PTPRM: variants seen among roughly 807,000 people sequenced by gnomAD.
PTPRM encodes receptor-type tyrosine-protein phosphatase mu.
A neutral mutation model predicts 186.7 loss-of-function variants in PTPRM; 47 were observed. The observed-to-expected ratio is 0.25, with a 90% confidence interval of 0.20 to 0.32. PTPRM has a LOEUF of 0.32. PTPRM is among the 10% of genes least tolerant of loss of function. The probability of loss-of-function intolerance (pLI) is 1.00; values close to 1 mark genes in which losing one functional copy is unlikely to be tolerated. For missense variants in PTPRM, 1,494 were observed against 1,865.0 expected (o/e 0.80, Z 3.66); for synonymous variants, 668 against 674.9 (o/e 0.99, Z 0.16).
At chr18:7,689,249 G>A (rs2039679520) in intron 1 of PTPRM, among the ~76,000 whole-genome samples, 1 of 152,210 alleles carries the variant, frequency 6.6e-6, no homozygotes, top group African/African-American at 2.4e-5. Context: ...TCAATGCAGA[G>A]AAGATAAGTT....
chr18:7,831,369 T>A lies in PTPRM; in HGVS notation c.197-56737T>A, dbSNP rs138382320. 3.4e-3 allele frequency among the ~76,000 whole-genome samples: 511 copies of A among 152,258 alleles called. 4 individuals are homozygous for A. The highest frequency in any genetic ancestry group is 0.012 in the African/African-American group (488 of 41,548). Reference sequence around the variant, plus strand: ...GGTAGGGAAAGCCTTCCTGAGTTATTTTTTTAATGCAGACATAGAACATTT... The same window carrying A: ...GGTAGGGAAAGCCTTCCTGAGTTATATTTTTAATGCAGACATAGAACATTT... On this transcript the variant is annotated intron_variant, in intron 2 of 32. Coordinates refer to ENST00000580170, the MANE Select transcript of PTPRM (RefSeq NM_001105244.2).
chr18:8,140,206 T>G (rs552045372), intron 13 of PTPRM, among the ~76,000 whole-genome samples: 180 of 152,224 alleles, frequency 1.2e-3, no homozygotes, highest in African/African-American at 4.3e-3. Flanking sequence ...ACTGACAGCC[T>G]TCATGGCCTT....
intron 7 of PTPRM, among the ~76,000 whole-genome samples, chr18:7,984,086 A>AG (rs2082701918): frequency 6.6e-6 from 1 of 152,154 alleles, no homozygotes; most frequent in Non-Finnish European, 1.5e-5. Context: ...ATAGTCTCCA[A>AG]ATAAGGTCAA....
chr18:8,016,771 A>G (rs1166848155), intron 7 of PTPRM, among the ~76,000 whole-genome samples: 8 of 152,206 alleles, frequency 5.3e-5, no homozygotes, highest in Non-Finnish European at 1.0e-4. Flanking sequence ...TTTGGTCACT[A>G]GAAATGCGGC....
intron 13 of PTPRM, among the ~76,000 whole-genome samples, chr18:8,126,324 C>T (rs571104505): frequency 4.0e-4 from 61 of 151,520 alleles, no homozygotes; most frequent in African/African-American, 1.3e-3. Context: ...TTTTATGTTA[C>T]TTTATGCAAG....
intron 9 of PTPRM, among the ~76,000 whole-genome samples, chr18:8,081,436 G>C (rs1288497914): frequency 6.6e-6 from 1 of 152,220 alleles, no homozygotes; most frequent in South Asian, 2.1e-4. Flanking sequence ...CCTTCAGCCA[G>C]GGACAGAGTA....
Position 8,138,723 on chromosome 18 carries a change from C to T in PTPRM, c.2168-4924C>T, listed in dbSNP as rs532554988. Among the ~76,000 whole-genome samples the T allele has an allele frequency of 2.0e-5, 3 of 152,282 alleles. No homozygotes were observed. In the South Asian group the frequency reaches 6.2e-4, roughly 32 times the overall value. On this transcript the variant is annotated intron_variant, in intron 13 of 32. Coordinates refer to ENST00000580170, the MANE Select transcript of PTPRM (RefSeq NM_001105244.2). ...TCGTGGTTCTGCGCGCTGGTCTCAC[C>T]TCCCGCCTCTGCAAGGGCTTCCCTC...
chr18:8,173,253 A>G (rs2093430990), intron 14 of PTPRM, among the ~76,000 whole-genome samples: 1 of 152,194 alleles, frequency 6.6e-6, no homozygotes, highest in Admixed American at 6.5e-5. Context: ...AGAATTTGGC[A>G]AGAAGGTGGT....
intron 14 of PTPRM, among the ~76,000 whole-genome samples, chr18:8,175,261 T>A (rs1391103945): frequency 3.3e-5 from 5 of 152,188 alleles, no homozygotes; most frequent in Non-Finnish European, 5.9e-5. Context: ...ACAAATTAAT[T>A]TGTAATATTA....
intron 1 of PTPRM, among the ~76,000 whole-genome samples, chr18:7,613,402 C>T (rs1019140592): frequency 7.9e-5 from 12 of 152,152 alleles, no homozygotes; most frequent in Admixed American, 4.6e-4. Context: ...CGGCCAGGCG[C>T]GGTGGCTCAC....
intron 2 of PTPRM, among the ~76,000 whole-genome samples, chr18:7,883,436 G>A (rs1331270492): frequency 6.6e-6 from 1 of 152,186 alleles, no homozygotes; most frequent in Non-Finnish European, 1.5e-5. Context: ...ATTGGTTGGT[G>A]AGTTGACTTT....
Position 8,095,315 on chromosome 18 carries a change from C to T in PTPRM, c.1856+6464C>T, listed in dbSNP as rs931354834. On this transcript the variant is annotated intron_variant, in intron 11 of 32. Transcript: ENST00000580170. ...CTTGACAGACGGCTGTTGTTCAGAGCATCTGTGTGATGTGGAGTATGTTGC... is the reference window on the plus strand; with the variant it reads ...CTTGACAGACGGCTGTTGTTCAGAGTATCTGTGTGATGTGGAGTATGTTGC... Among the ~76,000 whole-genome samples, 4 of 151,962 alleles carry T rather than the reference C, an allele frequency of 2.6e-5. No individual in the cohort carries two copies. The East Asian group carries it at 5.8e-4, about 22-fold the overall frequency.
At chr18:7,574,057 T>C (rs895914732) in intron 1 of PTPRM, among the ~76,000 whole-genome samples, 1 of 152,202 alleles carries the variant, frequency 6.6e-6, no homozygotes, top group Non-Finnish European at 1.5e-5. Context: ...TGACCTGAGA[T>C]TGGAGAACCC....
chr18:8,308,051 A>G (rs936362647), intron 20 of PTPRM, among the ~76,000 whole-genome samples: 3 of 152,214 alleles, frequency 2.0e-5, no homozygotes, highest in African/African-American at 7.2e-5. Flanking sequence ...AAAAATACAC[A>G]TAAAATTTAC....
At position 8,396,911 on chromosome 18, in the gene PTPRM, G is replaced by A. The variant is rs547078441; in HGVS notation, c.4344+2300G>A. On this transcript the variant is annotated intron_variant, in intron 32 of 32. Transcript: ENST00000580170. ...GTCATTTGGTTTTGCCTGTAAATACGACTTCTGTTTAGTTTGGTGTTGATA... is the reference window on the plus strand; with the variant it reads ...GTCATTTGGTTTTGCCTGTAAATACAACTTCTGTTTAGTTTGGTGTTGATA... 2.0e-5 allele frequency among the ~76,000 whole-genome samples: 3 copies of A among 152,306 alleles called. No homozygotes were observed. The East Asian group carries it at 5.8e-4, about 29-fold the overall frequency.
At chr18:7,790,818 C>T (rs988819023) in intron 2 of PTPRM, among the ~76,000 whole-genome samples, 1 of 151,774 alleles carries the variant, frequency 6.6e-6, no homozygotes, top group South Asian at 2.1e-4. Flanking sequence ...AACTTTCTCC[C>T]AGTAAATTAA....
chr18:7,956,894 A>G (rs1264207237), intron 7 of PTPRM, among the ~76,000 whole-genome samples: 1 of 152,240 alleles, frequency 6.6e-6, no homozygotes, highest in African/African-American at 2.4e-5. Flanking sequence ...CCACTGCCTT[A>G]TGAATTCTCC....
intron 14 of PTPRM, among the ~76,000 whole-genome samples, chr18:8,240,849 AAG>A (rs1316861040): frequency 6.8e-6 from 1 of 146,440 alleles, no homozygotes; most frequent in Non-Finnish European, 1.5e-5. Context: ...AAAGAAAAGA[AAG>A]AAAGAAAGAA....
chr18:8,288,592 T>C (rs2094984623), intron 19 of PTPRM, among the ~76,000 whole-genome samples: 1 of 152,224 alleles, frequency 6.6e-6, no homozygotes, highest in Admixed American at 6.5e-5. Context: ...ACAGTGGCCT[T>C]GTCCAAGGAA....
Sources: allele counts gnomAD v4.1 joint callset (sites outside exome capture counted in the v4.1 genomes callset), GRCh38; gene constraint gnomAD v4.1.1; transcripts MANE v1.5; gene names NCBI Gene and HGNC (gene_info 2026-07-23, HGNC 2026-07-21).